KIF7: variants seen among roughly 807,000 people sequenced by gnomAD.
KIF7 encodes the protein kinesin family member 7.
In KIF7, 104 loss-of-function variants were observed where a neutral mutation model predicts 135.7. The ratio of observed to expected loss-of-function variants is 0.77; its 90% confidence interval spans 0.65 to 0.90. The LOEUF is 0.90. Among genes scored for constraint, KIF7 ranks in the 40% least tolerant of loss-of-function variants. KIF7 has a pLI of 0.00. For synonymous variants in KIF7, 883 were observed against 809.4 expected, an observed-to-expected ratio of 1.09 and a Z score of -1.54; for missense variants, 2,005 against 1,839.1, an observed-to-expected ratio of 1.09 and a Z score of -1.65.
intron 1 of KIF7, among the ~76,000 whole-genome samples, chr15:89,622,919 T>C (rs924584369): frequency 1.3e-5 from 2 of 152,226 alleles, no homozygotes; most frequent in Non-Finnish European, 2.9e-5. Flanking sequence ...GCCCCTCGCA[T>C]GTCCCTGTCA....
intron 2 of KIF7, among the ~76,000 whole-genome samples, chr15:89,650,207 C>T (rs1164315677): frequency 2.0e-5 from 3 of 152,264 alleles, no homozygotes; most frequent in African/African-American, 7.2e-5. Flanking sequence ...TTCACTGCAT[C>T]CTCAACAGAT....
At chr15:89,649,657 C>T in intron 3 of KIF7, 84 bp downstream of exon 3, 2 of 1,429,836 alleles carry the variant, frequency 1.4e-6, no homozygotes, top group Non-Finnish European at 1.9e-6. Context: ...AGTTGCCATT[C>T]CCAGACAGGT....
At chr15:89,656,421 G>A (rs1165068085), upstream of KIF7, among the ~76,000 whole-genome samples, 1 of 151,724 alleles carries the variant, frequency 6.6e-6, no homozygotes, top group Non-Finnish European at 1.5e-5. Flanking sequence ...ACAGCAGTGT[G>A]TGGTGAAGCA....
chr15:89,629,612 C>A, intron 16 of KIF7, 39 bp from the exon 17 acceptor site: 3 of 1,599,158 alleles, frequency 1.9e-6, no homozygotes, highest in Non-Finnish European at 2.5e-6. Context: ...CTCATCATGA[C>A]CCCTCTTCAT....
chr15:89,641,924 G>C (rs1315435943), intron 11 of KIF7, among the ~76,000 whole-genome samples: 1 of 152,126 alleles, frequency 6.6e-6, no homozygotes, highest in South Asian at 2.1e-4. Context: ...GGAGACAGAG[G>C]ACTGCACGCT....
At chr15:89,626,854 T>A (rs1320859587), downstream of KIF7, 1 of 1,336,442 alleles carries the variant, frequency 7.5e-7, no homozygotes, top group East Asian at 2.3e-5. Flanking sequence ...GCTGATTTTC[T>A]TAAAGTCTGT....
chr15:89,627,333 G>T, downstream of KIF7: 2 of 455,268 alleles, frequency 4.4e-6, no homozygotes, highest in South Asian at 8.6e-5. Context: ...GGCAGCCTGG[G>T]AGTCAGGAAC....
chr15:89,651,245 A>G (rs919942072), intron 2 of KIF7, among the ~76,000 whole-genome samples: 7 of 152,102 alleles, frequency 4.6e-5, no homozygotes, highest in Admixed American at 2.6e-4. Context: ...GACTACAGGC[A>G]TGCACCACCA....
chr15:89,648,822 C>G (rs977889603), intron 4 of KIF7, 48 bp from the exon 5 acceptor site: 1 of 1,501,758 alleles, frequency 6.7e-7, no homozygotes, highest in Non-Finnish European at 8.9e-7. Context: ...GCTCCAGGCC[C>G]AGGGCCAGCG....
chr15:89,653,089 T>C (rs1253292199), intron 1 of KIF7, 135 bp from the exon 2 acceptor site: 2 of 661,604 alleles, frequency 3.0e-6, no homozygotes, highest in Non-Finnish European at 4.9e-6. Flanking sequence ...AAGTTCACAA[T>C]ATCCCCATGT....
At chr15:89,631,449 G>T in intron 15 of KIF7, 46 bp downstream of exon 15, 1 of 1,477,244 alleles carries the variant, frequency 6.8e-7, no homozygotes, top group Non-Finnish European at 9.2e-7. Flanking sequence ...CAGACAGACA[G>T]GCATACAATG....
At chr15:89,624,061 C>T (rs1963468937), downstream of KIF7, 5 of 1,614,038 alleles carry the variant, frequency 3.1e-6, no homozygotes, top group Non-Finnish European at 4.2e-6. Flanking sequence ...TCTCAGAACA[C>T]CTCCGAGAGC....
chr15:89,624,552 A>T, downstream of KIF7: 1 of 1,613,824 alleles, frequency 6.2e-7, no homozygotes, highest in Non-Finnish European at 8.5e-7. Context: ...CTGACAGCCC[A>T]GCTGCCCCCA....
chr15:89,625,871 G>C, downstream of KIF7: 1 of 1,543,644 alleles, frequency 6.5e-7, no homozygotes, highest in Non-Finnish European at 8.7e-7. Flanking sequence ...GTTGCTTCTT[G>C]GGAGGCCTGG....
chr15:89,626,815 T>A (rs1057340680), downstream of KIF7: 5 of 893,282 alleles, frequency 5.6e-6, no homozygotes, highest in African/African-American at 6.7e-5. Context: ...AGGTACCATT[T>A]CTGTAGGATA....
At chr15:89,656,436 C>T (rs1322770005), upstream of KIF7, among the ~76,000 whole-genome samples, 1 of 151,956 alleles carries the variant, frequency 6.6e-6, no homozygotes, top group Non-Finnish European at 1.5e-5. Flanking sequence ...GAAGCATGCC[C>T]TTTGGATCAA....
rs763579248 is a variant in KIF7 at position 89,628,926 on chromosome 15, T to TC, written c.3664+49dup. 2.1e-5 allele frequency: 34 copies of TC among 1,613,386 alleles called. No homozygotes were observed. The South Asian group carries it at 3.6e-4, about 17-fold the overall frequency. ...TCGAGGGAGAGTGGTCTCTAAGCTTTCCCCAAAGAAAGGGAACAGGTCTGA... is the reference window on the plus strand; with the variant it reads ...TCGAGGGAGAGTGGTCTCTAAGCTTTCCCCCAAAGAAAGGGAACAGGTCTGA... On this transcript the variant is annotated intron_variant, in intron 18 of 18. Transcript: ENST00000394412.
downstream of KIF7, chr15:89,625,467 G>C: frequency 6.2e-7 from 1 of 1,613,956 alleles, no homozygotes; most frequent in South Asian, 1.1e-5. Context: ...TTGAGTCAGA[G>C]GGCAAGGACC....
intron 2 of KIF7, among the ~76,000 whole-genome samples, chr15:89,617,689 CTTT>C (rs35732953): frequency 3.0e-5 from 3 of 98,752 alleles, no homozygotes; most frequent in Non-Finnish European, 2.0e-5. Context: ...ACCCAGCTAT[CTTT>C]TTTTTTTTTT....
Sources: gnomAD v4.1 joint callset for allele counts (sites outside exome capture counted in the v4.1 genomes callset) on GRCh38, gnomAD v4.1.1 for gene constraint, MANE v1.5 for transcripts, NCBI Gene and HGNC (gene_info 2026-07-23, HGNC 2026-07-21) for gene names.